ANKRD26: variants seen among roughly 807,000 people sequenced by gnomAD.
ANKRD26 encodes the protein ankyrin repeat domain 26, also known as ankyrin repeat domain-containing protein 26.
Under a neutral mutation model 208.7 loss-of-function variants are expected in ANKRD26, and 141 were observed. The ratio of observed to expected loss-of-function variants is 0.68; its 90% CI spans 0.59 to 0.78. ANKRD26 has a LOEUF of 0.78. Ranked by LOEUF, ANKRD26 falls within the 30% of genes least tolerant of loss-of-function variation. The pLI is 0.00. For synonymous variants in ANKRD26, 636 were observed against 660.4 expected, an observed-to-expected ratio of 0.96 and a Z score of 0.57; for missense variants, 1,889 against 1,938.7, an observed-to-expected ratio of 0.97 and a Z score of 0.48.
At position 27,060,581 on chromosome 10, in the gene ANKRD26, A is replaced by G. The variant is rs530443407; in HGVS notation, c.1463-41T>C. On this transcript the variant is annotated intron_variant, in intron 13 of 33. Coordinates refer to ENST00000376087, the MANE Select transcript of ANKRD26 (RefSeq NM_014915.3). ...GACATATAATCAATTATACATAAAT[A>G]TGACAAAGTCAATCATAAATTCATG... 28 of 1,375,728 alleles carry G rather than the reference A, an allele frequency of 2.0e-5. No homozygotes were observed. The South Asian group carries it at 2.4e-4, about 12-fold the overall frequency. The allele number at this position is 1,375,728 out of a possible 1,614,324, so 85.2% of individuals were successfully genotyped here.
chr10:27,067,670 T>C (rs1354482451), intron 9 of ANKRD26, among the ~76,000 whole-genome samples: 1 of 152,198 alleles, frequency 6.6e-6, no homozygotes, highest in Non-Finnish European at 1.5e-5. Flanking sequence ...ACTCACTTGC[T>C]ATCTCAAGGA....
the ANKRD26 span, among the ~76,000 whole-genome samples, chr10:26,961,661 T>G: frequency 6.6e-6 from 1 of 151,952 alleles, no homozygotes; most frequent in Non-Finnish European, 1.5e-5. Context: ...CTGGGCAATA[T>G]AGTGAAACCT....
chr10:27,007,969 A>G (rs1308548626), intron 32 of ANKRD26, among the ~76,000 whole-genome samples: 1 of 152,068 alleles, frequency 6.6e-6, no homozygotes, highest in Non-Finnish European at 1.5e-5. Flanking sequence ...AACAAAAAAT[A>G]TATAGCTCTT....
At chr10:27,084,215 T>A (rs112346249) in intron 5 of ANKRD26, among the ~76,000 whole-genome samples, 11 of 82,800 alleles carry the variant, frequency 1.3e-4, no homozygotes, top group African/African-American at 7.1e-4. Context: ...CAAAACTACA[T>A]CTCAAAAAAA....
chr10:27,023,076 T>C (rs4749215), intron 28 of ANKRD26, among the ~76,000 whole-genome samples: 120,801 of 152,182 alleles, frequency 0.79, 48,258 homozygotes, highest in East Asian at 0.99. Context: ...TGCCTAAAAT[T>C]CCAGCACTTT....
rs1422739076 is a variant in ANKRD26 at position 27,005,399 on chromosome 10, C to A, written c.*191G>T. 2.3e-6 allele frequency: 3 copies of A among 1,331,980 alleles called. No homozygotes were observed. The highest frequency in any genetic ancestry group is 6.7e-5 in the Admixed American group (2 of 30,040). The allele number at this position is 1,331,980 out of a possible 1,614,324, so 82.5% of individuals were successfully genotyped here. On this transcript the variant is annotated 3_prime_UTR_variant, in exon 34 of 34. Coordinates refer to ENST00000376087, the MANE Select transcript of ANKRD26 (RefSeq NM_014915.3). ...GTTTGAGTATGTAAAACTCAATATT[C>A]CTGGTTTTCATTGGCAAAATCCACT...
Position 27,019,244 on chromosome 10 carries a change from C to T in ANKRD26, c.4216-1452G>A, listed in dbSNP as rs914913840. Among the ~76,000 whole-genome samples the T allele has an allele frequency of 2.6e-5, 4 of 152,154 alleles. No individual in the cohort carries two copies. The South Asian group carries it at 8.3e-4, about 32-fold the overall frequency. On this transcript the variant is annotated intron_variant, in intron 29 of 33. Transcript: ENST00000376087. Reference sequence around the variant, plus strand: ...GCAGTGAGCTGAGATCACGCCACTGCACTCCAGCCTGGGTTAAAAAAAAGA... The same window carrying T: ...GCAGTGAGCTGAGATCACGCCACTGTACTCCAGCCTGGGTTAAAAAAAAGA...
chr10:27,097,205 G>A (rs2056496433), intron 1 of ANKRD26, among the ~76,000 whole-genome samples: 1 of 151,304 alleles, frequency 6.6e-6, no homozygotes, highest in Admixed American at 6.6e-5. Flanking sequence ...GCCAGGCGCG[G>A]TGGCTCAAGC....
rs780741494 is a variant in ANKRD26 at position 27,100,238 on chromosome 10, G to A, written c.89C>T (p.Pro30Leu). The change falls in exon 1 of 34, where the codon CCG becomes CTG. Residue 30 changes from proline to leucine, a missense_variant. Pro to Leu is a moderately conservative substitution (Grantham distance 98). Coordinates refer to ENST00000376087, the MANE Select transcript of ANKRD26 (RefSeq NM_014915.3). ...GGGCTGCGAGTAGGCGCCCTCCCCC[G>A]GCTCGCCCCCGCCTCCCGCGCTGCT... ...QRSSAGGGGE[P>L]GEGAYSQPGY... The A allele has an allele frequency of 6.2e-6, 10 of 1,611,986 alleles. No homozygotes were observed. The highest frequency in any genetic ancestry group is 5.3e-5 in the African/African-American group (4 of 74,930).
In ANKRD26 at chr10:27,013,999, T is replaced by C. The variant is rs189438599; in HGVS notation, c.4724+495A>G. 6.3e-4 allele frequency among the ~76,000 whole-genome samples: 96 copies of C among 152,320 alleles called. 1 individual carries two copies. The highest frequency in any genetic ancestry group is 1.2e-3 in the Non-Finnish European group (80 of 68,026). On this transcript the variant is annotated intron_variant, in intron 31 of 33. Coordinates refer to ENST00000376087, the MANE Select transcript of ANKRD26 (RefSeq NM_014915.3). Reference sequence around the variant, plus strand: ...ATGCCTTTAAGTAGTAGAAAAACTATACAGGGTAGTTTGTCTCATGGCACC... The same window carrying C: ...ATGCCTTTAAGTAGTAGAAAAACTACACAGGGTAGTTTGTCTCATGGCACC...
In ANKRD26 at chr10:27,041,102, C is replaced by T. The variant is rs192892242; in HGVS notation, c.2162-924G>A. ...TATGGTCTTATGAATGCCCAGAGAC[C>T]CGCTTTCAGAGTTTCTAGGTCATGA... On this transcript the variant is annotated intron_variant, in intron 20 of 33. Coordinates refer to ENST00000376087, the MANE Select transcript of ANKRD26 (RefSeq NM_014915.3). Among the ~76,000 whole-genome samples the T allele has an allele frequency of 1.3e-4, 19 of 151,916 alleles. No individual in the cohort carries two copies. The East Asian group carries it at 3.7e-3, about 29-fold the overall frequency.
intron 16 of ANKRD26, chr10:27,051,390 G>C: frequency 8.3e-7 from 1 of 1,201,268 alleles, no homozygotes; most frequent in Non-Finnish European, 1.1e-6. Context: ...CAAATCAAAA[G>C]GTCTTTTTGG....
intron 27 of ANKRD26, among the ~76,000 whole-genome samples, chr10:27,027,932 C>T (rs561720799): frequency 1.3e-5 from 2 of 152,194 alleles, no homozygotes; most frequent in South Asian, 4.1e-4. Context: ...CCCAGGCTAG[C>T]AATATGTGGT....
At chr10:26,972,156 T>A (rs184857367), downstream of ANKRD26, among the ~76,000 whole-genome samples, 2,253 of 146,256 alleles carry the variant, frequency 0.015, 34 homozygotes, top group African/African-American at 0.037. Flanking sequence ...AATGGCGTGA[T>A]CCCGGGAGGC....
chr10:27,050,777 T>C (rs1480488382), intron 16 of ANKRD26, among the ~76,000 whole-genome samples: 1 of 152,224 alleles, frequency 6.6e-6, no homozygotes, highest in East Asian at 1.9e-4. Context: ...TTTATGCTTA[T>C]ACTGGTTCAC....
chr10:26,953,778 G>A, the ANKRD26 span, among the ~76,000 whole-genome samples: 2 of 152,180 alleles, frequency 1.3e-5, no homozygotes, highest in Non-Finnish European at 2.9e-5. Flanking sequence ...TTATTAGCTT[G>A]TTAAAGCATC....
At chr10:27,051,005 G>T (rs1589285681) in intron 16 of ANKRD26, 1 of 1,158,466 alleles carries the variant, frequency 8.6e-7, no homozygotes, top group African/African-American at 1.6e-5. Flanking sequence ...AATCAGAATG[G>T]ATCAAATAAT....
At chr10:26,995,707 C>T (rs1347593920) in intron 4 of ANKRD26, among the ~76,000 whole-genome samples, 2 of 152,106 alleles carry the variant, frequency 1.3e-5, no homozygotes, top group Admixed American at 1.3e-4. Context: ...ATAATATGCC[C>T]CCAAATATTT....
chr10:27,009,085 C>T (rs140391484), intron 32 of ANKRD26, among the ~76,000 whole-genome samples: 3,727 of 152,292 alleles, frequency 0.024, 50 homozygotes, highest in Non-Finnish European at 0.037. Context: ...GTGATCCGCC[C>T]ACCTGGGCCT....
Sources: gnomAD v4.1 joint callset for allele counts (sites outside exome capture counted in the v4.1 genomes callset) on GRCh38, gnomAD v4.1.1 for gene constraint, MANE v1.5 for transcripts, NCBI Gene and HGNC (gene_info 2026-07-23, HGNC 2026-07-21) for gene names.